The following ZNF480 variants were observed in gnomAD, a reference collection of about 807,000 sequenced individuals.
ZNF480 encodes zinc finger protein 480.
ZNF480 carries 15 observed loss-of-function variants against 14.4 expected under a neutral mutation model. The observed-to-expected ratio is 1.04, with a 90% CI of 0.70 to 1.60. The LOEUF (loss-of-function observed/expected upper bound fraction) is 1.60, where lower values mean the gene tolerates loss of function less well. Among genes scored for constraint, ZNF480 ranks in the 40% most tolerant of loss-of-function variants. The pLI is 0.00. For missense variants in ZNF480, 593 were observed against 629.7 expected, an observed-to-expected ratio of 0.94 and a Z score of 0.62; for synonymous variants, 218 against 215.5, an observed-to-expected ratio of 1.01 and a Z score of -0.10.
At chr19:52,306,701 A>G (rs941138809) in intron 2 of ZNF480, among the ~76,000 whole-genome samples, 1 of 152,202 alleles carries the variant, frequency 6.6e-6, no homozygotes, top group Non-Finnish European at 1.5e-5. Context: ...TTTTAAAAGG[A>G]AAAGGCTCAA....
rs1982442872 is a variant in ZNF480 at position 52,297,236 on chromosome 19, T to TTG, written c.-20+17_-20+18dup. On this transcript the variant is annotated intron_variant, in intron 1 of 4. Coordinates refer to ENST00000595962, the MANE Select transcript of ZNF480 (RefSeq NM_144684.4). ...CACGCCGCGGCGCGTGAGTTTCCCT[T>TTG]TGTGTAAATTAATCTGCGCTTCCCA... 1 of 446,726 alleles carries TTG rather than the reference T, an allele frequency of 2.2e-6. No individual in the cohort carries two copies. Among genetic ancestry groups the TTG allele is most frequent in the South Asian group, 1.6e-5 (1 of 63,796 alleles). 27.7% of individuals were successfully genotyped at this position (446,726 alleles called of 1,614,324 possible). A position where few individuals can be genotyped will look rare whatever the true frequency, so the allele number is the denominator to read the frequency against.
rs991757595 is a variant in ZNF480, at chr19:52,312,364, G to A, written c.73-1789G>A. On this transcript the variant is annotated intron_variant, in intron 2 of 4. Transcript: ENST00000595962. ...TTTAGTAGAGACTGGGCTTCACCAC[G>A]TTGGTCAGGCTGGTCTTGATCCCCT... Among the ~76,000 whole-genome samples, 10 of 152,064 alleles carry A rather than the reference G, an allele frequency of 6.6e-5. No individual in the cohort carries two copies. The East Asian group carries it at 1.2e-3, about 18-fold the overall frequency.
At position 52,323,634 on chromosome 19, in the gene ZNF480, G is replaced by T. The variant is rs957956883; in HGVS notation, c.*776G>T. The T allele has an allele frequency of 1.3e-5, 2 of 152,108 alleles. No homozygotes were observed. The highest frequency in any genetic ancestry group is 2.9e-5 in the Non-Finnish European group (2 of 68,030). 9.4% of individuals were successfully genotyped at this position (152,108 alleles called of 1,614,324 possible). On this transcript the variant is annotated 3_prime_UTR_variant, in exon 5 of 5. Coordinates refer to ENST00000595962, the MANE Select transcript of ZNF480 (RefSeq NM_144684.4). ...GCAGGCTTTAGTGTTGGGCTGCAAG[G>T]TTGGTTCAGTATACACAAATCAATA... is the stretch of plus-strand genomic sequence containing the variant.
chr19:52,323,235 A>AC lies in ZNF480; in HGVS notation c.*383dup, dbSNP rs1249400439. On this transcript the variant is annotated 3_prime_UTR_variant, in exon 5 of 5. Transcript: ENST00000595962. ...ATTAATAAATTCCTTGAAAGATATA[A>AC]CCCCCCAAGATTGAACCAAGAAGAA... 2.4e-5 allele frequency: 4 copies of AC among 167,816 alleles called. No homozygotes were observed. The highest frequency in any genetic ancestry group is 7.2e-5 in the African/African-American group (3 of 41,764). 10.4% of individuals were successfully genotyped at this position (167,816 alleles called of 1,614,324 possible). A position where few individuals can be genotyped will look rare whatever the true frequency, so the allele number is the denominator to read the frequency against.
intron 2 of ZNF480, among the ~76,000 whole-genome samples, chr19:52,305,099 AAAAAAAC>A (rs1241259882): frequency 2.6e-5 from 4 of 152,098 alleles, no homozygotes; most frequent in South Asian, 4.1e-4. Flanking sequence ...ACTCTGTCTC[AAAAAAAC>A]AAAAAACAAA....
At position 52,322,460 on chromosome 19, in the gene ZNF480, T is replaced by A; in HGVS notation, c.1210T>A (p.Cys404Ser). 6.2e-7 allele frequency: 1 copy of A among 1,614,006 alleles called. No homozygotes were observed. The highest frequency in any genetic ancestry group is 8.5e-7 in the Non-Finnish European group (1 of 1,179,956). Residue 404 changes from cysteine to serine, a missense_variant, in exon 5 of 5, where the codon TGT becomes AGT. Transcript: ENST00000595962. Reference sequence around the variant, plus strand: ...AGAGAAACCTTACAAATGTAATGAATGTGGAAAAGTATTTAATCAACTTTC... The same window carrying A: ...AGAGAAACCTTACAAATGTAATGAAAGTGGAAAAGTATTTAATCAACTTTC... The part of the protein sequence containing the change: ...TGEKPYKCNE[C>S]GKVFNQLSNL...
intron 2 of ZNF480, among the ~76,000 whole-genome samples, chr19:52,311,882 G>A (rs1983303802): frequency 1.3e-5 from 2 of 152,068 alleles, no homozygotes; most frequent in South Asian, 4.1e-4. Flanking sequence ...TATTTCAGTT[G>A]ATGTGTATAA....
Position 52,322,043 on chromosome 19 carries a change from G to A in ZNF480, c.793G>A (p.Gly265Ser), listed in dbSNP as rs1443420804. 3.7e-6 allele frequency: 6 copies of A among 1,613,782 alleles called. No homozygotes were observed. In the Admixed American group the frequency reaches 1.0e-4, roughly 27 times the overall value. Reference sequence around the variant, plus strand: ...GAAACCTTACAAATGTAATGTCTGTGGCAAGGTTTTTAGTTACAATTCAAA... The same window carrying A: ...GAAACCTTACAAATGTAATGTCTGTAGCAAGGTTTTTAGTTACAATTCAAA... ...GEKPYKCNVC[G>S]KVFSYNSNFA... is the part of the protein sequence containing the mutation. Residue 265 changes from glycine to serine, a missense_variant, in exon 5 of 5, where the codon GGC becomes AGC. Coordinates refer to ENST00000595962, the MANE Select transcript of ZNF480 (RefSeq NM_144684.4).
Position 52,322,912 on chromosome 19 carries a change from C to T in ZNF480, c.*54C>T, listed in dbSNP as rs960313915. On this transcript the variant is annotated 3_prime_UTR_variant, in exon 5 of 5. Transcript: ENST00000595962. ...GAATTTAGTGTGCACTCAAGCCTTACTACCCATCTTTTATTCCATACTGCA... is the reference window on the plus strand; with the variant it reads ...GAATTTAGTGTGCACTCAAGCCTTATTACCCATCTTTTATTCCATACTGCA... 6 of 1,472,118 alleles carry T rather than the reference C, an allele frequency of 4.1e-6. No homozygotes were observed. The East Asian group carries it at 1.4e-4, about 34-fold the overall frequency. The allele number at this position is 1,472,118 out of a possible 1,614,324, so 91.2% of individuals were successfully genotyped here.
At chr19:52,298,439 C>T (rs544424839) in intron 1 of ZNF480, among the ~76,000 whole-genome samples, 1 of 152,170 alleles carries the variant, frequency 6.6e-6, no homozygotes, top group East Asian at 1.9e-4. Flanking sequence ...TTGAGACCAG[C>T]GTGGGCAACA....
intron 2 of ZNF480, among the ~76,000 whole-genome samples, chr19:52,309,314 T>C (rs1438398858): frequency 6.6e-6 from 1 of 152,190 alleles, no homozygotes; most frequent in Non-Finnish European, 1.5e-5. Flanking sequence ...TGGGCTTTGC[T>C]TGTTACCTCC....
chr19:52,301,611 G>A (rs115413989), intron 2 of ZNF480: 5,735 of 152,136 alleles, frequency 0.038, 107 homozygotes, highest in Middle Eastern at 0.078. Flanking sequence ...TGTTAGTTTG[G>A]GAATTCCACT....
intron 2 of ZNF480, among the ~76,000 whole-genome samples, chr19:52,310,244 A>G (rs979636767): frequency 5.9e-5 from 9 of 151,892 alleles, no homozygotes; most frequent in South Asian, 2.1e-4. Flanking sequence ...TTTAGTAGAG[A>G]TGGGGTTTCA....
At chr19:52,306,487 C>T (rs1447375313) in intron 2 of ZNF480, among the ~76,000 whole-genome samples, 4 of 152,124 alleles carry the variant, frequency 2.6e-5, no homozygotes, top group African/African-American at 4.8e-5. Context: ...TGGGCCTGGG[C>T]GTTGTGAGCA....
At chr19:52,297,437 C>A (rs114953147) in intron 1 of ZNF480, among the ~76,000 whole-genome samples, 1,801 of 151,890 alleles carry the variant, frequency 0.012, 45 homozygotes, top group African/African-American at 0.04. Context: ...TGCCACAGGG[C>A]CATGTAGTCA....
At chr19:52,306,584 G>A (rs1180531078) in intron 2 of ZNF480, among the ~76,000 whole-genome samples, 4 of 152,224 alleles carry the variant, frequency 2.6e-5, no homozygotes, top group Non-Finnish European at 5.9e-5. Context: ...GTGCATTGTA[G>A]TCAGTAGGAA....
intron 1 of ZNF480, among the ~76,000 whole-genome samples, chr19:52,300,087 G>T (rs1224589027): frequency 1.3e-5 from 2 of 152,198 alleles, no homozygotes; most frequent in Admixed American, 6.5e-5. Context: ...GGAGAGGAGG[G>T]GCTGTGCTCT....
chr19:52,322,851 T>C lies in ZNF480; in HGVS notation c.1601T>C (p.Met534Thr), dbSNP rs868865566. Residue 534 changes from methionine to threonine, a missense_variant, in exon 5 of 5, where the codon ATG becomes ACG. Transcript: ENST00000595962. Reference protein sequence around the residue: ...SYLAQHWTIHMG With the variant: ...SYLAQHWTIHTG The stretch of plus-strand genomic sequence containing the variant: ...CTAGCACAACATTGGACAATTCATA[T>C]GGGATAGAAACTACAAATGCAACAA... 3 of 1,573,850 alleles carry C rather than the reference T, an allele frequency of 1.9e-6. No homozygotes were observed. Among genetic ancestry groups the C allele is most frequent in the Admixed American group, 1.8e-5 (1 of 56,120 alleles).
At position 52,324,002 on chromosome 19, in the gene ZNF480, A is replaced by G. The variant is rs1384087987; in HGVS notation, c.*1144A>G. On this transcript the variant is annotated 3_prime_UTR_variant, in exon 5 of 5. Transcript: ENST00000595962. ...AGGCATATATAAATAGGAAGAGGGG[A>G]AGTCAGTTTCTCTTGCAGAAGATAT... is the stretch of plus-strand genomic sequence containing the variant. The G allele has an allele frequency of 2.0e-5, 3 of 152,184 alleles. No individual in the cohort carries two copies. Among genetic ancestry groups the G allele is most frequent in the African/African-American group, 7.2e-5 (3 of 41,474 alleles). The allele number at this position is 152,184 out of a possible 1,614,324, so 9.4% of individuals were successfully genotyped here.
Sources: gnomAD v4.1 joint callset for allele counts (sites outside exome capture counted in the v4.1 genomes callset) on GRCh38, gnomAD v4.1.1 for gene constraint, MANE v1.5 for transcripts, NCBI Gene and HGNC (gene_info 2026-07-23, HGNC 2026-07-21) for gene names.